UST: variants seen among roughly 807,000 people sequenced by gnomAD.
UST encodes chondroitin sulfate 2-O-sulfotransferase.
A neutral mutation model predicts 45.6 loss-of-function variants in UST; 21 were observed. That is an observed-to-expected ratio of 0.46 (90% CI 0.33 to 0.66). The LOEUF is 0.66. Among genes scored for constraint, UST ranks in the 30% least tolerant of loss-of-function variants. The pLI is 0.02. For synonymous variants in UST, 215 were observed against 200.6 expected (o/e 1.07, Z -0.61); for missense variants, 463 against 512.4 (o/e 0.90, Z 0.93).
intron 1 of UST, among the ~76,000 whole-genome samples, chr6:148,820,925 C>CATG (rs1777449646): frequency 6.8e-6 from 1 of 146,934 alleles, no homozygotes; most frequent in Non-Finnish European, 1.5e-5. Context: ...GATCCAGGAT[C>CATG]ATGTATTACA....
chr6:149,061,893 C>T (rs1014248141), intron 7 of UST, among the ~76,000 whole-genome samples: 1 of 152,180 alleles, frequency 6.6e-6, no homozygotes, highest in Non-Finnish European at 1.5e-5. Context: ...TTTCATTTTG[C>T]TAATGGAGAA....
chr6:148,923,228 A>G (rs1779749444), intron 2 of UST, among the ~76,000 whole-genome samples: 1 of 152,242 alleles, frequency 6.6e-6, no homozygotes, highest in Non-Finnish European at 1.5e-5. Context: ...CTTTTGGGTT[A>G]TTATGAATAA....
At chr6:149,058,401 G>C (rs115269207) in intron 7 of UST, among the ~76,000 whole-genome samples, 3 of 151,758 alleles carry the variant, frequency 2.0e-5, no homozygotes, top group African/African-American at 7.3e-5. Context: ...GTGCGCGCGC[G>C]TGTGTCTGTG....
intron 1 of UST, among the ~76,000 whole-genome samples, chr6:148,838,513 T>C (rs1052339304): frequency 5.3e-5 from 8 of 152,184 alleles, no homozygotes. Context: ...TTCTAACATC[T>C]TCCTGGGATG....
At chr6:148,906,054 G>A (rs1288223505) in intron 2 of UST, among the ~76,000 whole-genome samples, 1 of 148,928 alleles carries the variant, frequency 6.7e-6, no homozygotes, top group African/African-American at 2.6e-5. Context: ...TCATCTGGCA[G>A]TCAGAGGTAT....
In UST at chr6:149,010,304, G is replaced by T. The variant is rs754403709; in HGVS notation, c.682-8835G>T. ...TTGGTTAGGCTCCACGTGTTTTCCA[G>T]ACTCTCTGTGAGACCATTGTAGTTG... On this transcript the variant is annotated intron_variant, in intron 5 of 7. Transcript: ENST00000367463. 2.4e-4 allele frequency among the ~76,000 whole-genome samples: 37 copies of T among 152,268 alleles called. No homozygotes were observed. The South Asian group carries it at 2.7e-3, about 11-fold the overall frequency.
rs1780129158 is a variant in UST at position 148,941,632 on chromosome 6, A to G, written c.447+198A>G. On this transcript the variant is annotated intron_variant, in intron 3 of 7. Coordinates refer to ENST00000367463, the MANE Select transcript of UST (RefSeq NM_005715.3). The stretch of plus-strand genomic sequence containing the variant: ...GAACTCTATAAACCAGGGAATATCC[A>G]TGAAGGGATACTTCCATTAGGACTG... 2.6e-5 allele frequency among the ~76,000 whole-genome samples: 4 copies of G among 152,208 alleles called. No homozygotes were observed. In the South Asian group the frequency reaches 6.2e-4, roughly 24 times the overall value.
At chr6:149,049,083 T>C (rs559188040) in intron 7 of UST, among the ~76,000 whole-genome samples, 3 of 152,336 alleles carry the variant, frequency 2.0e-5, no homozygotes, top group African/African-American at 4.8e-5. Context: ...AAATTGTATA[T>C]TAAAATTGAT....
At chr6:148,893,173 ATAT>A (rs1779051736) in intron 2 of UST, among the ~76,000 whole-genome samples, 1 of 152,242 alleles carries the variant, frequency 6.6e-6, no homozygotes, top group Non-Finnish European at 1.5e-5. Flanking sequence ...TATATATAAA[ATAT>A]TATGTTTGCA....
At position 148,999,072 on chromosome 6, in the gene UST, C is replaced by T. The variant is rs374128229; in HGVS notation, c.682-20067C>T. ...TTCCAGCAGGGAGTAGTTTATAGGT[C>T]ATATAATGTCATTTCAGTCATGCAG... On this transcript the variant is annotated intron_variant, in intron 5 of 7. Coordinates refer to ENST00000367463, the MANE Select transcript of UST (RefSeq NM_005715.3). Among the ~76,000 whole-genome samples, 41 of 152,326 alleles carry T rather than the reference C, an allele frequency of 2.7e-4. 1 individual carries two copies. The South Asian group carries it at 8.5e-3, about 32-fold the overall frequency.
chr6:148,885,969 G>T (rs1328719906), intron 1 of UST, among the ~76,000 whole-genome samples: 1 of 152,040 alleles, frequency 6.6e-6, no homozygotes, highest in East Asian at 1.9e-4. Flanking sequence ...TACTTTTCTG[G>T]TGAGATGATT....
At chr6:148,972,977 T>C (rs755837301) in intron 5 of UST, among the ~76,000 whole-genome samples, 2 of 152,174 alleles carry the variant, frequency 1.3e-5, no homozygotes, top group Non-Finnish European at 2.9e-5. Flanking sequence ...CTGACTGTAT[T>C]AGCAGGAGCT....
At chr6:148,779,041 G>A (rs934140480) in intron 1 of UST, among the ~76,000 whole-genome samples, 4 of 151,894 alleles carry the variant, frequency 2.6e-5, no homozygotes, top group South Asian at 2.1e-4. Context: ...GTCCTTACCC[G>A]CTGTGGATGC....
chr6:148,826,646 GT>G (rs1407269292), intron 1 of UST, among the ~76,000 whole-genome samples: 1 of 152,218 alleles, frequency 6.6e-6, no homozygotes, highest in African/African-American at 2.4e-5. Flanking sequence ...ACCTGTATTA[GT>G]TTTCTATGCT....
chr6:148,970,516 C>T (rs909607800), intron 5 of UST, among the ~76,000 whole-genome samples: 1 of 152,108 alleles, frequency 6.6e-6, no homozygotes. Context: ...AAGGGGCTTA[C>T]GAGTCACCCA....
At chr6:148,848,041 C>T (rs1348501116) in intron 1 of UST, among the ~76,000 whole-genome samples, 3 of 152,100 alleles carry the variant, frequency 2.0e-5, no homozygotes. Context: ...ATTTGCTTAT[C>T]TGGAATGGAA....
At chr6:149,071,001 C>G (rs1207111830) in intron 7 of UST, among the ~76,000 whole-genome samples, 2 of 152,158 alleles carry the variant, frequency 1.3e-5, no homozygotes, top group Non-Finnish European at 2.9e-5. Context: ...CTCTTGGCCT[C>G]GTGATCCACC....
intron 7 of UST, among the ~76,000 whole-genome samples, chr6:149,052,646 T>C (rs537187718): frequency 5.9e-5 from 9 of 152,172 alleles, no homozygotes; most frequent in Non-Finnish European, 1.3e-4. Context: ...CATGATTATC[T>C]GAGGGAGATG....
At chr6:148,850,856 A>C (rs1337337124) in intron 1 of UST, among the ~76,000 whole-genome samples, 1 of 152,244 alleles carries the variant, frequency 6.6e-6, no homozygotes, top group Non-Finnish European at 1.5e-5. Flanking sequence ...ACAGAGCTGC[A>C]TTTAGAAGCC....
Sources: allele counts gnomAD v4.1 joint callset (sites outside exome capture counted in the v4.1 genomes callset), GRCh38; gene constraint gnomAD v4.1.1; transcripts MANE v1.5; gene names NCBI Gene and HGNC (gene_info 2026-07-23, HGNC 2026-07-21).